The following KCNH4 variants were observed in gnomAD, a reference collection of about 807,000 sequenced individuals.
The protein encoded by KCNH4 is potassium voltage-gated channel subfamily H member 4.
KCNH4 carries 33 observed loss-of-function variants against 90.7 expected under a neutral mutation model. The observed-to-expected ratio is 0.36, with a 90% confidence interval of 0.28 to 0.49. The LOEUF is 0.49. Among genes scored for constraint, KCNH4 ranks in the 20% least tolerant of loss-of-function variants. KCNH4 has a pLI of 0.98. For missense variants in KCNH4, 1,044 were observed against 1,387.1 expected, an observed-to-expected ratio of 0.75 and a Z score of 3.93; for synonymous variants, 551 against 581.7, an observed-to-expected ratio of 0.95 and a Z score of 0.76.
In KCNH4 at chr17:42,161,074, G is replaced by A. The variant is rs61206346; in HGVS notation, c.2659-639C>T. Among the ~76,000 whole-genome samples the A allele has an allele frequency of 3.7e-3, 566 of 151,970 alleles. 3 individuals carry two copies. Among genetic ancestry groups the A allele is most frequent in the African/African-American group, 0.013 (540 of 41,432 alleles). ...CCCAAGTAGCCGAGACTATAGGTGTGTGCCACCACGCCCGGCTAATTTTTT... is the reference window on the plus strand; with the variant it reads ...CCCAAGTAGCCGAGACTATAGGTGTATGCCACCACGCCCGGCTAATTTTTT... On this transcript the variant is annotated intron_variant, in intron 15 of 16. Coordinates refer to ENST00000264661, the MANE Select transcript of KCNH4 (RefSeq NM_012285.3).
In KCNH4 at chr17:42,170,308, G is replaced by A. The variant is rs1240349584; in HGVS notation, c.1196-7C>T. 6 of 1,578,204 alleles carry A rather than the reference G, an allele frequency of 3.8e-6. No homozygotes were observed. Among genetic ancestry groups the A allele is most frequent in the Non-Finnish European group, 5.1e-6 (6 of 1,166,622 alleles). ...CCCAACTCATGCAACCAGCCTGCAG[G>A]GTGGACGGATGCAGGGAGCCCTGGC... On this transcript the variant is annotated splice_region_variant and splice_polypyrimidine_tract_variant and intron_variant, in intron 7 of 16. Coordinates refer to ENST00000264661, the MANE Select transcript of KCNH4 (RefSeq NM_012285.3).
At chr17:42,173,793 C>T (rs908490733) in intron 6 of KCNH4, among the ~76,000 whole-genome samples, 4 of 149,724 alleles carry the variant, frequency 2.7e-5, no homozygotes, top group African/African-American at 4.9e-5. Context: ...CTCTGCCTCC[C>T]GGGTTCAGAC....
rs564586288 is a variant in KCNH4 at position 42,178,901 on chromosome 17, G to C, written c.202C>G (p.Arg68Gly). 1 of 1,614,068 alleles carries C rather than the reference G, an allele frequency of 6.2e-7. No individual in the cohort carries two copies. The highest frequency in any genetic ancestry group is 1.3e-5 in the African/African-American group (1 of 74,944). The part of the protein sequence containing the change: ...TEVMQKTCSC[R>G]FLYGPETSEP... ...CTGGTCTCTGGGCCGTAGAGGAAAC[G>C]GCAGCTGCAGGTCTTCTGCATGACC... Residue 68 changes from arginine to glycine, a missense_variant, in exon 2 of 17, where the codon CGT (arginine) becomes GGT (glycine). Arg to Gly is a moderately radical substitution (Grantham distance 125). Coordinates refer to ENST00000264661, the MANE Select transcript of KCNH4 (RefSeq NM_012285.3).
At chr17:42,175,449 G>T (rs767148901) in intron 6 of KCNH4, 130 bp downstream of exon 6, 46 of 1,068,786 alleles carry the variant, frequency 4.3e-5, no homozygotes, top group Non-Finnish European at 6.3e-5. Flanking sequence ...GCCCAGAGCA[G>T]GTGCCTGATA....
At position 42,171,839 on chromosome 17, in the gene KCNH4, C is replaced by A. The variant is rs993481883; in HGVS notation, c.1144G>T (p.Val382Phe). Residue 382 changes from valine to phenylalanine, a missense_variant, in exon 7 of 17, where the codon GTC (valine) becomes TTC (phenylalanine). Val to Phe is a conservative substitution (Grantham distance 50). Coordinates refer to ENST00000264661, the MANE Select transcript of KCNH4 (RefSeq NM_012285.3). ...LAHWMACIWY[V>F]IGRREMEAND... ...GCCTCCATCTCCCGGCGCCCGATGA[C>A]ATACCAGATGCAGGCCATCCAGTGG... is the stretch of plus-strand genomic sequence containing the variant. 2.5e-6 allele frequency: 4 copies of A among 1,614,170 alleles called. No homozygotes were observed. The South Asian group carries it at 3.3e-5, about 13-fold the overall frequency.
Position 42,166,499 on chromosome 17 carries a change from G to C in KCNH4, c.1638C>G (p.His546Gln). Residue 546 changes from histidine to glutamine, a missense_variant, in exon 10 of 17, where the codon CAC becomes CAG. His to Gln is a conservative substitution (Grantham distance 24). Around this residue, in one of 4 missense-constraint regions of KCNH4, gnomAD observed 318 missense variants for 479.6 expected, o/e 0.66. Transcript: ENST00000264661. ...PDELRADIAMHLNREILQLPL... is the reference protein window; with the variant it reads ...PDELRADIAMQLNREILQLPL... ...GCAGCTGCAGGATCTCCCGATTCAGGTGCATAGCAATGTCAGCTCTCAGCT... is the reference window on the plus strand; with the variant it reads ...GCAGCTGCAGGATCTCCCGATTCAGCTGCATAGCAATGTCAGCTCTCAGCT... 1.2e-6 allele frequency: 2 copies of C among 1,613,972 alleles called. No homozygotes were observed. The highest frequency in any genetic ancestry group is 1.7e-6 in the Non-Finnish European group (2 of 1,179,860).
chr17:42,173,928 T>C (rs2079845081), intron 6 of KCNH4, among the ~76,000 whole-genome samples: 3 of 151,844 alleles, frequency 2.0e-5, no homozygotes, highest in African/African-American at 7.3e-5. Flanking sequence ...GGTCTTGATC[T>C]CCTGACCTCG....
chr17:42,160,149 T>C lies in KCNH4; in HGVS notation c.2945A>G (p.Tyr982Cys), dbSNP rs764618108. ...TCCCAGAGGGTCAGGCTCTGAGGGG[T>C]AGGGGGGCAATATGGAAGGTCTCAA... ...LDLRPSILPP[Y>C]PSEPDPLGPS... Residue 982 changes from tyrosine (Y) to cysteine (C), a missense_variant, in exon 16 of 17, where the codon TAC becomes TGC. Tyr to Cys is a radical substitution (Grantham distance 194). Coordinates refer to ENST00000264661, the MANE Select transcript of KCNH4 (RefSeq NM_012285.3). 10 of 1,610,574 alleles carry C rather than the reference T, an allele frequency of 6.2e-6. No individual in the cohort carries two copies. Among genetic ancestry groups the C allele is most frequent in the Admixed American group, 5.0e-5 (3 of 59,782 alleles).
chr17:42,165,953 G>T (rs938649634), intron 10 of KCNH4, among the ~76,000 whole-genome samples: 3 of 152,136 alleles, frequency 2.0e-5, no homozygotes, highest in African/African-American at 7.2e-5. Flanking sequence ...AATCACAATG[G>T]CCGGAGGGGT....
chr17:42,174,794 T>C (rs2079850775), intron 6 of KCNH4, among the ~76,000 whole-genome samples: 1 of 152,172 alleles, frequency 6.6e-6, no homozygotes, highest in Admixed American at 6.5e-5. Context: ...CCCAGGGATC[T>C]GTGAGGACTC....
rs1487624560 is a variant in KCNH4, at chr17:42,157,106, C to A, written c.*322G>T. On this transcript the variant is annotated 3_prime_UTR_variant, in exon 17 of 17. Coordinates refer to ENST00000264661, the MANE Select transcript of KCNH4 (RefSeq NM_012285.3). Reference sequence around the variant, plus strand: ...AGTTGCTAGCAGCAGAAGAGACCACCTTGAGAGACAGCCTGCAGAGAGACA... The same window carrying A: ...AGTTGCTAGCAGCAGAAGAGACCACATTGAGAGACAGCCTGCAGAGAGACA... 1.3e-5 allele frequency: 2 copies of A among 152,196 alleles called. No homozygotes were observed. Among genetic ancestry groups the A allele is most frequent in the Non-Finnish European group, 2.9e-5 (2 of 68,038 alleles). The allele number at this position is 152,196 out of a possible 1,614,324, so 9.4% of individuals were successfully genotyped here. A position where few individuals can be genotyped will look rare whatever the true frequency, so the allele number is the denominator to read the frequency against.
chr17:42,157,649 C>G (rs1188449173), intron 16 of KCNH4, among the ~76,000 whole-genome samples: 1 of 152,124 alleles, frequency 6.6e-6, no homozygotes, highest in African/African-American at 2.4e-5. Flanking sequence ...ACTCTGTCAC[C>G]CAGGCTGGAG....
chr17:42,179,731 GAAGGTC>G (rs1382357493), intron 1 of KCNH4, among the ~76,000 whole-genome samples: 1 of 152,228 alleles, frequency 6.6e-6, no homozygotes, highest in Non-Finnish European at 1.5e-5. Context: ...GCCTTCCAGA[GAAGGTC>G]CACTTTTTAG....
chr17:42,165,105 C>CAAA (rs572673540), intron 11 of KCNH4, among the ~76,000 whole-genome samples: 7 of 116,822 alleles, frequency 6.0e-5, no homozygotes, highest in African/African-American at 2.2e-4. Context: ...GACTTCGTCT[C>CAAA]AAAAAAAAAA....
Position 42,166,437 on chromosome 17 carries a change from G to C in KCNH4, c.1700C>G (p.Ala567Gly). 1 of 1,614,100 alleles carries C rather than the reference G, an allele frequency of 6.2e-7. No individual in the cohort carries two copies. The highest frequency in any genetic ancestry group is 1.1e-5 in the South Asian group (1 of 91,078). Residue 567 changes from alanine (A) to glycine (G), a missense_variant, in exon 10 of 17, where the codon GCC (alanine) becomes GGC (glycine). This residue lies in a region of KCNH4 where 318 missense variants were observed against 479.6 expected (regional missense o/e 0.66). Transcript: ENST00000264661. ...CGAGGTCTTGATGTGCAGCGATAGG[G>C]CCCGCAGGCAGCCCCTGCTCGCTGC... ...FGAASRGCLR[A>G]LSLHIKTSFC...
intron 11 of KCNH4, among the ~76,000 whole-genome samples, chr17:42,164,917 C>G (rs932206585): frequency 1.3e-5 from 2 of 151,896 alleles, no homozygotes; most frequent in African/African-American, 4.8e-5. Flanking sequence ...ACCAGCCTGG[C>G]CAACATGGTG....
At position 42,178,275 on chromosome 17, in the gene KCNH4, G is replaced by A; in HGVS notation, c.458-48C>T. On this transcript the variant is annotated intron_variant, in intron 3 of 16. Transcript: ENST00000264661. ...GATACGTTGGGGCACATCCCTTGCG[G>A]CTGGTTAGGCGAAGGCTTCTGACCA... The A allele has an allele frequency of 1.9e-6, 3 of 1,614,140 alleles. No homozygotes were observed. The South Asian group carries it at 3.3e-5, about 18-fold the overall frequency.
At chr17:42,178,589 CA>C in intron 2 of KCNH4, 112 bp from the exon 3 acceptor site, 1 of 1,354,668 alleles carries the variant, frequency 7.4e-7, no homozygotes, top group Non-Finnish European at 1.0e-6. Context: ...AAGCAAGAAC[CA>C]AAAGGAACCT....
chr17:42,169,501 G>A lies in KCNH4; in HGVS notation c.1566C>T (p.Val522=). ...CCTCGTTGGCGTCGATGCCGCTGTT[G>A]ACGGCCCACGTGGTCTGGAAGTATT... The part of the protein sequence containing the change: ...MLEYFQTTWA[V]NSGIDANELL... Residue 522 remains valine, a synonymous_variant, in exon 9 of 17, where the codon GTC becomes GTT. Coordinates refer to ENST00000264661, the MANE Select transcript of KCNH4 (RefSeq NM_012285.3). 2 of 1,613,076 alleles carry A rather than the reference G, an allele frequency of 1.2e-6. No homozygotes were observed. Among genetic ancestry groups the A allele is most frequent in the Non-Finnish European group, 1.7e-6 (2 of 1,179,990 alleles).
Sources: allele counts gnomAD v4.1 joint callset (sites outside exome capture counted in the v4.1 genomes callset), GRCh38; gene constraint gnomAD v4.1.1; regional missense constraint gnomAD v4.1.1; transcripts MANE v1.5; gene names NCBI Gene and HGNC (gene_info 2026-07-23, HGNC 2026-07-21).